PLCG2: variants seen among roughly 807,000 people sequenced by gnomAD.
The protein encoded by PLCG2 is phospholipase C gamma 2.
Under a neutral mutation model 175.6 loss-of-function variants are expected in PLCG2, and 69 were observed. That is an observed-to-expected ratio of 0.39 (90% CI 0.32 to 0.48). The LOEUF (loss-of-function observed/expected upper bound fraction) is 0.48. PLCG2 is among the 20% of genes least tolerant of loss of function. The probability of loss-of-function intolerance (pLI) is 0.91; values close to 1 mark genes in which losing one functional copy is unlikely to be tolerated. For missense variants in PLCG2, 1,798 were observed against 1,650.9 expected, an observed-to-expected ratio of 1.09 and a Z score of -1.54; for synonymous variants, 827 against 624.0, an observed-to-expected ratio of 1.33 and a Z score of -4.85.
chr16:81,835,209 G>T (rs1405508985), intron 2 of PLCG2, among the ~76,000 whole-genome samples: 1 of 152,192 alleles, frequency 6.6e-6, no homozygotes, highest in Non-Finnish European at 1.5e-5. Context: ...CTCCTCTGTC[G>T]TAGGGTGGCT....
At chr16:81,872,839 A>G (rs1225164518) in intron 7 of PLCG2, among the ~76,000 whole-genome samples, 1 of 152,208 alleles carries the variant, frequency 6.6e-6, no homozygotes, top group Admixed American at 6.5e-5. Context: ...GGAGTTGTGA[A>G]GACAGGCATT....
rs766651721 is a variant in PLCG2, at chr16:81,937,896, C to G, written c.3191C>G (p.Thr1064Arg). The change falls in exon 28 of 33, where the codon ACA becomes AGA. Residue 1064 changes from threonine (T) to arginine (R), a missense_variant. Thr to Arg is a moderately conservative substitution (Grantham distance 71, BLOSUM62 -1). Coordinates refer to ENST00000564138, the MANE Select transcript of PLCG2 (RefSeq NM_002661.5). The stretch of plus-strand genomic sequence containing the variant: ...CAGAGGAAGATCCTGATGACGCTGA[C>G]AGTCAAGGTAAAGCCAGCCCTCCCT... The part of the protein sequence containing the change: ...ESQRKILMTL[T>R]VKVLGARHLP... 7 of 1,613,940 alleles carry G rather than the reference C, an allele frequency of 4.3e-6. No individual in the cohort carries two copies. In the East Asian group the frequency reaches 1.6e-4, roughly 36 times the overall value.
chr16:81,772,635 C>T (rs1362244184), intron 2 of PLCG2, among the ~76,000 whole-genome samples: 4 of 142,370 alleles, frequency 2.8e-5, no homozygotes, highest in African/African-American at 7.8e-5. Context: ...CATGGTGAAA[C>T]CCTGTTTCTA....
chr16:81,842,040 G>A (rs1015905547), intron 2 of PLCG2, among the ~76,000 whole-genome samples: 45 of 152,300 alleles, frequency 3.0e-4, no homozygotes, highest in African/African-American at 1.0e-3. Flanking sequence ...TATTTCATTT[G>A]GTTTGCATGA....
In PLCG2 at chr16:81,786,198, G is replaced by A; in HGVS notation, c.193+16G>A. ...GAGGGCTTCTGTGAGTACTCGCTGG[G>A]TGGGGCAGTGTGGCCCGTCCTCTGG... On this transcript the variant is annotated intron_variant, in intron 2 of 32. Transcript: ENST00000564138. 1 of 1,608,904 alleles carries A rather than the reference G, an allele frequency of 6.2e-7. No individual in the cohort carries two copies. The highest frequency in any genetic ancestry group is 1.1e-5 in the South Asian group (1 of 90,752).
At position 81,959,495 on chromosome 16, in the gene PLCG2, C is replaced by T. The variant is rs181254434; in HGVS notation, c.*1497C>T. 2.1e-4 allele frequency: 46 copies of T among 213,958 alleles called. No individual in the cohort carries two copies. The highest frequency in any genetic ancestry group is 9.2e-4 in the African/African-American group (41 of 44,352). 13.3% of individuals were successfully genotyped at this position (213,958 alleles called of 1,614,324 possible). ...GTGGGTCTCATCAATCATCTCCATC[C>T]ACAAGCTCCTAAAAGAAAGCCATTT... On this transcript the variant is annotated 3_prime_UTR_variant, in exon 33 of 33. Coordinates refer to ENST00000564138, the MANE Select transcript of PLCG2 (RefSeq NM_002661.5).
intron 2 of PLCG2, among the ~76,000 whole-genome samples, chr16:81,793,357 T>C (rs1189999936): frequency 6.6e-6 from 1 of 152,174 alleles, no homozygotes; most frequent in Admixed American, 6.5e-5. Flanking sequence ...CTCTGGGGCC[T>C]TTCTGAGTTG....
Position 81,874,955 on chromosome 16 carries a change from T to TG in PLCG2, c.648+4020_648+4021insG, listed in dbSNP as rs565922068. On this transcript the variant is annotated intron_variant, in intron 7 of 32. Transcript: ENST00000564138. The stretch of plus-strand genomic sequence containing the variant: ...CTAGGCACTATCCTATGTGTTTTTT[T>TG]TTTTTTTTTTTTTTTTTTTTTTATT... 3.4e-3 allele frequency among the ~76,000 whole-genome samples: 442 copies of TG among 130,110 alleles called. 13 individuals are homozygous for TG. The highest frequency in any genetic ancestry group is 4.9e-3 in the South Asian group (19 of 3,898). The allele number at this position is 130,110 out of a possible 152,430, so 85.4% of individuals were successfully genotyped here.
At chr16:81,940,677 T>C (rs1325990381) in intron 30 of PLCG2, among the ~76,000 whole-genome samples, 1 of 151,978 alleles carries the variant, frequency 6.6e-6, no homozygotes, top group African/African-American at 2.4e-5. Flanking sequence ...TTAAGAACCC[T>C]GCTGAATCCC....
At chr16:81,844,671 A>T (rs2033540422) in intron 2 of PLCG2, among the ~76,000 whole-genome samples, 1 of 152,242 alleles carries the variant, frequency 6.6e-6, no homozygotes, top group Admixed American at 6.5e-5. Flanking sequence ...AACCTCGTAC[A>T]GCAGGTCTAT....
chr16:81,763,590 G>C (rs140568567), intron 2 of PLCG2, among the ~76,000 whole-genome samples: 1 of 152,228 alleles, frequency 6.6e-6, no homozygotes, highest in African/African-American at 2.4e-5. Flanking sequence ...TCATCTTGGG[G>C]CTCCTAAGTT....
At chr16:81,848,973 C>G (rs562854860) in intron 2 of PLCG2, among the ~76,000 whole-genome samples, 18 of 152,288 alleles carry the variant, frequency 1.2e-4, no homozygotes, top group African/African-American at 4.3e-4. Context: ...AGACTAAGAA[C>G]ATTTTCAGTG....
At chr16:81,881,439 C>T (rs893790379) in intron 8 of PLCG2, among the ~76,000 whole-genome samples, 2 of 152,210 alleles carry the variant, frequency 1.3e-5, no homozygotes, top group Non-Finnish European at 2.9e-5. Flanking sequence ...TCAGGACATT[C>T]ACTGTGCCTC....
chr16:81,791,362 G>A (rs1031513074), intron 2 of PLCG2, among the ~76,000 whole-genome samples: 1 of 152,120 alleles, frequency 6.6e-6, no homozygotes, highest in Admixed American at 6.5e-5. Flanking sequence ...CCCTGATCCT[G>A]TGGGATTAAT....
intron 2 of PLCG2, among the ~76,000 whole-genome samples, chr16:81,832,289 T>G (rs1905292335): frequency 6.6e-6 from 1 of 152,242 alleles, no homozygotes; most frequent in Admixed American, 6.5e-5. Flanking sequence ...CCGCTCCACA[T>G]GGCAGCCACA....
rs1157514725 is a variant in PLCG2, at chr16:81,956,603, TC to T, written c.3571-89del. On this transcript the variant is annotated intron_variant, in intron 31 of 32. Coordinates refer to ENST00000564138, the MANE Select transcript of PLCG2 (RefSeq NM_002661.5). ...AAGTTGCAAAACTTCTGCCCCATGC[TC>T]CCTTTGGGCATGCTTGTGAGATGCC... 3 of 1,140,156 alleles carry T rather than the reference TC, an allele frequency of 2.6e-6. 1 individual carries two copies. The highest frequency in any genetic ancestry group is 2.5e-6 in the Non-Finnish European group (2 of 798,844). The allele number at this position is 1,140,156 out of a possible 1,614,324, so 70.6% of individuals were successfully genotyped here.
chr16:81,811,347 G>A (rs1243048748), intron 2 of PLCG2, among the ~76,000 whole-genome samples: 2 of 152,150 alleles, frequency 1.3e-5, no homozygotes, highest in African/African-American at 2.4e-5. Context: ...CAGTATCATC[G>A]ATAAGGGATG....
At chr16:81,894,929 T>A (rs1423294603) in intron 12 of PLCG2, among the ~76,000 whole-genome samples, 1 of 152,118 alleles carries the variant, frequency 6.6e-6, no homozygotes, top group Non-Finnish European at 1.5e-5. Flanking sequence ...AACTACTGAC[T>A]TAGGCTCCAG....
At chr16:81,949,964 A>G (rs956416510) in intron 31 of PLCG2, among the ~76,000 whole-genome samples, 1 of 152,228 alleles carries the variant, frequency 6.6e-6, no homozygotes, top group Non-Finnish European at 1.5e-5. Flanking sequence ...CTGTGATTTT[A>G]GTTAGCATTG....
Sources: gnomAD v4.1 joint callset for allele counts (sites outside exome capture counted in the v4.1 genomes callset) on GRCh38, gnomAD v4.1.1 for gene constraint, MANE v1.5 for transcripts, NCBI Gene and HGNC (gene_info 2026-07-23, HGNC 2026-07-21) for gene names.